AZIN2: variants seen among roughly 807,000 people sequenced by gnomAD.
AZIN2 encodes the protein ODC antizyme inhibitor-2.
In AZIN2, 28 loss-of-function variants were observed where a neutral mutation model predicts 47.8. The ratio of observed to expected loss-of-function variants is 0.59; its 90% confidence interval spans 0.43 to 0.80. The LOEUF (loss-of-function observed/expected upper bound fraction) is 0.80, where lower values mean the gene tolerates loss of function less well. Ranked by LOEUF, AZIN2 falls within the 30% of genes least tolerant of loss-of-function variation. AZIN2 has a pLI of 0.00. For synonymous variants in AZIN2, 221 were observed against 239.4 expected (o/e 0.92, Z 0.71); for missense variants, 535 against 582.5 (o/e 0.92, Z 0.84).
intron 5 of AZIN2, among the ~76,000 whole-genome samples, chr1:33,089,914 G>A (rs942447772): frequency 2.6e-5 from 4 of 152,124 alleles, no homozygotes; most frequent in African/African-American, 4.8e-5. Flanking sequence ...TTGTTTATTC[G>A]TGGAGAGTCA....
At chr1:33,095,142 G>A (rs962462112) in intron 8 of AZIN2, among the ~76,000 whole-genome samples, 8 of 152,186 alleles carry the variant, frequency 5.3e-5, no homozygotes, top group African/African-American at 1.9e-4. Context: ...CCCACTGTGA[G>A]GTGAAGTTAA....
At chr1:33,082,505 A>G in intron 4 of AZIN2, 151 bp downstream of exon 4, 4 of 595,440 alleles carry the variant, frequency 6.7e-6, no homozygotes, top group Admixed American at 3.2e-5. Context: ...TTTATCCCCA[A>G]TTCTTTGTCC....
the AZIN2 span, among the ~76,000 whole-genome samples, chr1:33,160,480 T>G: frequency 6.6e-6 from 1 of 152,050 alleles, no homozygotes; most frequent in Non-Finnish European, 1.5e-5. Flanking sequence ...TCTCGGATCA[T>G]TGCAACCTCC....
chr1:33,101,342 A>C (rs985121193), intron 10 of AZIN2, among the ~76,000 whole-genome samples: 1 of 151,864 alleles, frequency 6.6e-6, no homozygotes, highest in South Asian at 2.1e-4. Flanking sequence ...CCTGGCCCCC[A>C]CCCTCTTTTT....
chr1:33,114,355 CTTTT>C (rs59452990), intron 10 of AZIN2, among the ~76,000 whole-genome samples: 2 of 115,964 alleles, frequency 1.7e-5, no homozygotes, highest in South Asian at 2.9e-4. Context: ...TTTTTCTTTT[CTTTT>C]TTTTTTTTTT....
chr1:33,145,073 G>A, the AZIN2 span, among the ~76,000 whole-genome samples: 3 of 152,180 alleles, frequency 2.0e-5, no homozygotes, highest in South Asian at 2.1e-4. Context: ...TGTGGTTCCC[G>A]AGACCAGGCT....
At chr1:33,160,750 G>A in the AZIN2 span, among the ~76,000 whole-genome samples, 3 of 152,134 alleles carry the variant, frequency 2.0e-5, no homozygotes, top group Non-Finnish European at 2.9e-5. Context: ...CATTCAGGGG[G>A]CTCAAGGAAA....
At chr1:33,101,394 T>G (rs1452765606) in intron 10 of AZIN2, among the ~76,000 whole-genome samples, 1 of 152,182 alleles carries the variant, frequency 6.6e-6, no homozygotes, top group Non-Finnish European at 1.5e-5. Flanking sequence ...AATTTTAAAC[T>G]GAGTTGTTTT....
the AZIN2 span, among the ~76,000 whole-genome samples, chr1:33,129,747 C>T: frequency 1.3e-5 from 2 of 152,216 alleles, no homozygotes; most frequent in African/African-American, 4.8e-5. This position sits in a 1 kb window ranked among gnomAD's most constrained non-coding sequence, Gnocchi z 4.1. Flanking sequence ...CTCTCCTTTT[C>T]TACTATTTAC....
rs1557658305 is a variant in AZIN2 at position 33,082,198 on chromosome 1, G to T, written c.-52G>T. 1 of 1,481,478 alleles carries T rather than the reference G, an allele frequency of 6.8e-7. No individual in the cohort carries two copies. Among genetic ancestry groups the T allele is most frequent in the Non-Finnish European group, 9.4e-7 (1 of 1,064,092 alleles). The allele number at this position is 1,481,478 out of a possible 1,614,324, so 91.8% of individuals were successfully genotyped here. The stretch of plus-strand genomic sequence containing the variant: ...CGCAGTGTGTTGCATACTTTCTAAG[G>T]CGGCGGCTGCAGCAGCGGCTCCATC... On this transcript the variant is annotated 5_prime_UTR_variant, in exon 4 of 12. Coordinates refer to ENST00000294517, the MANE Select transcript of AZIN2 (RefSeq NM_052998.4).
intron 4 of AZIN2, 121 bp from the exon 5 acceptor site, chr1:33,083,833 G>A: frequency 1.6e-6 from 2 of 1,226,322 alleles, no homozygotes; most frequent in African/African-American, 1.5e-5. Context: ...AGAAAACTTA[G>A]CAGCAGGGTA....
At chr1:33,105,470 G>A (rs552999686) in intron 10 of AZIN2, among the ~76,000 whole-genome samples, 1 of 152,292 alleles carries the variant, frequency 6.6e-6, no homozygotes, top group South Asian at 2.1e-4. Flanking sequence ...ACACAGTTCT[G>A]CATGGATAGG....
Position 33,093,296 on chromosome 1 carries a change from T to C in AZIN2, c.467T>C (p.Ile156Thr), listed in dbSNP as rs1642778192. ...TGTCTCATCAGGATGGTTCTGTGCA[T>C]TGCTACCGATGACTCCCACTCCCTG... ...SHPSAKMVLC[I>T]ATDDSHSLSC... The change falls in exon 7 of 12, where the codon ATT (isoleucine) becomes ACT (threonine). Residue 156 changes from isoleucine (I) to threonine (T), a missense_variant. Physicochemically the swap from Ile to Thr is moderately conservative, Grantham distance 89. Transcript: ENST00000294517. 6.2e-7 allele frequency: 1 copy of C among 1,613,994 alleles called. No individual in the cohort carries two copies. The highest frequency in any genetic ancestry group is 1.7e-4 in the Middle Eastern group (1 of 6,060).
chr1:33,146,346 C>T, the AZIN2 span: 1 of 168,794 alleles, frequency 5.9e-6, no homozygotes, highest in African/African-American at 2.4e-5. Flanking sequence ...TTCTGGAAGC[C>T]TCCTGCACCC....
At chr1:33,118,208 C>A in intron 11 of AZIN2, 92 bp downstream of exon 11, 1 of 1,360,126 alleles carries the variant, frequency 7.4e-7, no homozygotes, top group Non-Finnish European at 9.8e-7. Flanking sequence ...TCTGTGTAAT[C>A]CAACTTGACA....
the AZIN2 span, among the ~76,000 whole-genome samples, chr1:33,152,580 A>T: frequency 6.6e-6 from 1 of 152,068 alleles, no homozygotes; most frequent in Non-Finnish European, 1.5e-5. Flanking sequence ...AAAGAAAAAA[A>T]AAAAAAAAAA....
At chr1:33,108,358 T>G (rs77928637) in intron 10 of AZIN2, among the ~76,000 whole-genome samples, 2 of 151,830 alleles carry the variant, frequency 1.3e-5, no homozygotes, top group African/African-American at 4.8e-5. Flanking sequence ...TTTTTTTTTT[T>G]TTGAGACAGA....
At chr1:33,089,514 G>C (rs1314853523) in intron 5 of AZIN2, among the ~76,000 whole-genome samples, 1 of 152,172 alleles carries the variant, frequency 6.6e-6, no homozygotes, top group East Asian at 1.9e-4. Context: ...TGCTAACACT[G>C]CTTCTTCCTC....
At chr1:33,141,259 C>T in the AZIN2 span, among the ~76,000 whole-genome samples, 1 of 152,064 alleles carries the variant, frequency 6.6e-6, no homozygotes, top group South Asian at 2.1e-4. Flanking sequence ...CCCTTCTCCT[C>T]TGAGCACCTC....
Sources: gnomAD v4.1 joint callset for allele counts (sites outside exome capture counted in the v4.1 genomes callset) on GRCh38, gnomAD v4.1.1 for gene constraint, Gnocchi (gnomAD v3.1) non-coding constraint, MANE v1.5 for transcripts, NCBI Gene and HGNC (gene_info 2026-07-23, HGNC 2026-07-21) for gene names.